Variants in KIF16B observed in about 807,000 individuals in gnomAD.
KIF16B encodes kinesin family member 16B.
KIF16B carries 98 observed loss-of-function variants against 156.3 expected under a neutral mutation model. The observed-to-expected ratio is 0.63, with a 90% CI of 0.53 to 0.74. The LOEUF is 0.74. Among genes scored for constraint, KIF16B ranks in the 30% least tolerant of loss-of-function variants. The pLI, the probability that KIF16B is intolerant of heterozygous loss-of-function variation, is 0.00. For missense variants in KIF16B, 1,421 were observed against 1,606.5 expected (o/e 0.88, Z 1.97); for synonymous variants, 564 against 583.7 (o/e 0.97, Z 0.49).
intron 12 of KIF16B, among the ~76,000 whole-genome samples, chr20:16,470,730 C>T (rs928480679): frequency 6.6e-6 from 1 of 150,882 alleles, no homozygotes; most frequent in African/African-American, 2.4e-5. Flanking sequence ...CTCCTGGGCT[C>T]GAGCAATCGG....
In KIF16B at chr20:16,379,151, C is replaced by A; in HGVS notation, c.2851G>T (p.Glu951Ter). Residue 951 changes from glutamate (E) to a stop codon, truncating the protein, a stop_gained, in exon 19 of 26, where the codon GAA becomes TAA. Coordinates refer to ENST00000354981, the MANE Select transcript of KIF16B (RefSeq NM_024704.5). LOFTEE classifies it high-confidence loss of function. The stretch of plus-strand genomic sequence containing the variant: ...TACTGTGCAAGCTGTTCTTCTTTTT[C>A]TTCCATTTCCTTTTCTACTTGATAA... The part of the protein sequence containing the change: ...TLYQVEKEME[E>*]KEEQLAQYQA... 6.2e-7 allele frequency: 1 copy of A among 1,614,124 alleles called. No individual in the cohort carries two copies. The highest frequency in any genetic ancestry group is 8.5e-7 in the Non-Finnish European group (1 of 1,180,018).
At position 16,505,790 on chromosome 20, in the gene KIF16B, C is replaced by A; in HGVS notation, c.932G>T (p.Arg311Met). Residue 311 changes from arginine to methionine, a missense_variant, in exon 9 of 26, where the codon AGG becomes ATG. By Grantham distance (91) the Arg-to-Met change is moderately conservative (BLOSUM62 -1). Coordinates refer to ENST00000354981, the MANE Select transcript of KIF16B (RefSeq NM_024704.5). ...TAACAACCAAGTCAACACAGAATCC[C>A]TGTAAGGCACGAAAACTTGCTTCTT... ...AKKKQVFVPYRDSVLTWLLKD... is the reference protein window; with the variant it reads ...AKKKQVFVPYMDSVLTWLLKD... 1 of 1,613,840 alleles carries A rather than the reference C, an allele frequency of 6.2e-7. No individual in the cohort carries two copies. The highest frequency in any genetic ancestry group is 2.2e-5 in the East Asian group (1 of 44,852).
intron 12 of KIF16B, among the ~76,000 whole-genome samples, chr20:16,448,659 C>A (rs553907634): frequency 2.0e-4 from 31 of 152,320 alleles, no homozygotes; most frequent in African/African-American, 6.3e-4. Flanking sequence ...CCATAAACAG[C>A]AAGCAACAAC....
In KIF16B at chr20:16,506,179, A is replaced by G; in HGVS notation, c.711T>C (p.Asp237=). 1 of 1,614,126 alleles carries G rather than the reference A, an allele frequency of 6.2e-7. No homozygotes were observed. ...TGACGGTTTCACATGGCATTTCAGA[A>G]TCAAATTTAGCCTGTGGTAAAATAA... ...FTIKFTQAKF[D]SEMPCETVSK... The change falls in exon 8 of 26, where the codon GAT becomes GAC. Residue 237 remains aspartate, a synonymous_variant. Transcript: ENST00000354981.
chr20:16,317,302 G>C (rs1454742123), intron 24 of KIF16B, among the ~76,000 whole-genome samples: 1 of 152,180 alleles, frequency 6.6e-6, no homozygotes, highest in African/African-American at 2.4e-5. Flanking sequence ...TGACAAAGGA[G>C]ATACAGTGTC....
At chr20:16,452,631 C>G (rs1372048496) in intron 12 of KIF16B, among the ~76,000 whole-genome samples, 2 of 151,876 alleles carry the variant, frequency 1.3e-5, no homozygotes, top group Non-Finnish European at 2.9e-5. Context: ...GTCAGGAGAT[C>G]GAGACCATCC....
intron 12 of KIF16B, among the ~76,000 whole-genome samples, chr20:16,466,850 T>A (rs1407217469): frequency 6.6e-6 from 1 of 152,148 alleles, no homozygotes; most frequent in Non-Finnish European, 1.5e-5. Context: ...AAGCTCCATG[T>A]GGACAAGTCT....
chr20:16,297,555 G>A (rs1428336197), intron 25 of KIF16B, among the ~76,000 whole-genome samples: 1 of 152,034 alleles, frequency 6.6e-6, no homozygotes, highest in Admixed American at 6.5e-5. Flanking sequence ...AATTAGCTGG[G>A]CGTGGTGGCG....
intron 12 of KIF16B, among the ~76,000 whole-genome samples, chr20:16,463,158 A>G (rs1184667616): frequency 1.3e-5 from 2 of 152,192 alleles, no homozygotes; most frequent in African/African-American, 2.4e-5. Context: ...CCTGCTCAGG[A>G]GCCCCTCTCT....
intron 10 of KIF16B, among the ~76,000 whole-genome samples, chr20:16,500,137 A>T (rs770916983): frequency 2.0e-5 from 3 of 152,214 alleles, no homozygotes; most frequent in Non-Finnish European, 4.4e-5. Flanking sequence ...TATCATCTAC[A>T]TGCAGCCAAA....
At chr20:16,551,983 T>C (rs1301496834) in intron 1 of KIF16B, among the ~76,000 whole-genome samples, 1 of 152,252 alleles carries the variant, frequency 6.6e-6, no homozygotes, top group African/African-American at 2.4e-5. Flanking sequence ...TGCTACCCAC[T>C]GTCTGAGGCC....
chr20:16,322,538 A>G (rs892948522), intron 24 of KIF16B, among the ~76,000 whole-genome samples: 2 of 152,024 alleles, frequency 1.3e-5, no homozygotes, highest in Non-Finnish European at 2.9e-5. Flanking sequence ...AGCTAGCTAT[A>G]TGTATATGTA....
At chr20:16,358,924 T>C (rs77466049) in intron 22 of KIF16B, among the ~76,000 whole-genome samples, 13,311 of 152,298 alleles carry the variant, frequency 0.087, 739 homozygotes, top group Non-Finnish European at 0.13. Flanking sequence ...ACCACCTATG[T>C]GCCACACAGA....
Position 16,273,909 on chromosome 20 carries a change from T to C in KIF16B, c.3796-498A>G, listed in dbSNP as rs557460785. On this transcript the variant is annotated intron_variant, in intron 25 of 25. Coordinates refer to ENST00000354981, the MANE Select transcript of KIF16B (RefSeq NM_024704.5). The stretch of plus-strand genomic sequence containing the variant: ...AGAAATATCTTTGGCTCAGCACTGA[T>C]TCTGGGCAGCACTGTCTCAGATCTA... Among the ~76,000 whole-genome samples the C allele has an allele frequency of 3.3e-5, 5 of 152,254 alleles. No individual in the cohort carries two copies. In the East Asian group the frequency reaches 7.7e-4, roughly 23 times the overall value.
chr20:16,553,240 A>C (rs2070730331), intron 1 of KIF16B, among the ~76,000 whole-genome samples: 1 of 152,132 alleles, frequency 6.6e-6, no homozygotes, highest in Admixed American at 6.5e-5. Flanking sequence ...TGGCTGACTC[A>C]TCCTGCCAGG....
At chr20:16,378,136 T>G (rs1461688310) in intron 19 of KIF16B, among the ~76,000 whole-genome samples, 1 of 152,174 alleles carries the variant, frequency 6.6e-6, no homozygotes, top group Non-Finnish European at 1.5e-5. Context: ...ATCAGTAGCC[T>G]GTATGCAAAC....
At chr20:16,485,064 A>T (rs1171828718) in intron 12 of KIF16B, among the ~76,000 whole-genome samples, 1 of 152,214 alleles carries the variant, frequency 6.6e-6, no homozygotes, top group Non-Finnish European at 1.5e-5. Flanking sequence ...TGCAACTGAA[A>T]GCCTGAAAAA....
At chr20:16,475,507 C>G (rs1204186936) in intron 12 of KIF16B, among the ~76,000 whole-genome samples, 1 of 152,146 alleles carries the variant, frequency 6.6e-6, no homozygotes, top group African/African-American at 2.4e-5. Flanking sequence ...AAGGAAGGAG[C>G]TGGGAGAAAT....
At chr20:16,482,168 T>C (rs147093016) in intron 12 of KIF16B, among the ~76,000 whole-genome samples, 1 of 152,208 alleles carries the variant, frequency 6.6e-6, no homozygotes, top group East Asian at 1.9e-4. Context: ...TATTCTTTTG[T>C]CAGTAGATGC....
Sources: gnomAD v4.1 joint callset for allele counts (sites outside exome capture counted in the v4.1 genomes callset) on GRCh38, gnomAD v4.1.1 for gene constraint, MANE v1.5 for transcripts, NCBI Gene and HGNC (gene_info 2026-07-23, HGNC 2026-07-21) for gene names.